The following CBFA2T3 variants were observed in gnomAD, a reference collection of about 807,000 sequenced individuals.
CBFA2T3 encodes the protein CBFA2/RUNX1 partner transcriptional co-repressor 3.
In CBFA2T3, 31 loss-of-function variants were observed where a neutral mutation model predicts 58.6. That is an observed-to-expected ratio of 0.53 (90% CI 0.40 to 0.71). CBFA2T3 has a LOEUF of 0.71. CBFA2T3 is among the 30% of genes least tolerant of loss of function. The probability of loss-of-function intolerance (pLI) is 0.00; values close to 1 mark genes in which losing one functional copy is unlikely to be tolerated. For missense variants in CBFA2T3, 1,076 were observed against 963.1 expected (o/e 1.12, Z -1.55); for synonymous variants, 531 against 421.9 (o/e 1.26, Z -3.17).
rs903721809 is a variant in CBFA2T3 at position 88,958,366 on chromosome 16, G to A, written c.151+18291C>T. On this transcript the variant is annotated intron_variant, in intron 1 of 11. Coordinates refer to ENST00000268679, the MANE Select transcript of CBFA2T3 (RefSeq NM_005187.6). The surrounding 1 kb of genome is among the most constrained non-coding windows in gnomAD (Gnocchi z 4.0). ...AAGTTGAGGTTGATGTGGTCACCTC[G>A]AATGGGGAACTCCTCCAGGAAGGAA... 6.6e-6 allele frequency among the ~76,000 whole-genome samples: 1 copy of A among 151,982 alleles called. No homozygotes were observed. Among genetic ancestry groups the A allele is most frequent in the Non-Finnish European group, 1.5e-5 (1 of 68,026 alleles).
At chr16:88,915,162 G>C (rs894208827) in intron 1 of CBFA2T3, among the ~76,000 whole-genome samples, 29 of 141,086 alleles carry the variant, frequency 2.1e-4, no homozygotes, top group Non-Finnish European at 6.1e-5. Context: ...TTCCGTTGAG[G>C]ATCCGTGTGC....
chr16:88,901,516 TGAA>T lies in CBFA2T3; in HGVS notation c.289_291del (p.Phe97del). The T allele has an allele frequency of 2.7e-6, 4 of 1,469,604 alleles. No homozygotes were observed. Among genetic ancestry groups the T allele is most frequent in the African/African-American group, 1.5e-5 (1 of 66,582 alleles). 91.0% of individuals were successfully genotyped at this position (1,469,604 alleles called of 1,614,324 possible). ...GGGGGCTACTTACGTGTGTGTGGCG[TGAA>T]GGAGGGGGGGCGTGTGGCCCCCTGG... On this transcript the variant is annotated inframe_deletion, in exon 2 of 12. Transcript: ENST00000268679.
At chr16:88,963,694 G>A (rs1296814487) in intron 1 of CBFA2T3, among the ~76,000 whole-genome samples, 1 of 152,238 alleles carries the variant, frequency 6.6e-6, no homozygotes, top group African/African-American at 2.4e-5. Context: ...GCGCTGCAGT[G>A]CGCATCAGGA....
At chr16:88,970,890 T>TG (rs1972638787) in intron 1 of CBFA2T3, among the ~76,000 whole-genome samples, 1 of 151,944 alleles carries the variant, frequency 6.6e-6, no homozygotes, top group Non-Finnish European at 1.5e-5. Context: ...GTTTTTCTCA[T>TG]GGGGTGACAG....
At chr16:88,913,189 G>A (rs1377946405) in intron 1 of CBFA2T3, among the ~76,000 whole-genome samples, 1 of 152,244 alleles carries the variant, frequency 6.6e-6, no homozygotes, top group African/African-American at 2.4e-5. Context: ...GTCAGCGGCG[G>A]GCAGCCCCAC....
In CBFA2T3 at chr16:88,897,978, G is replaced by A. The variant is rs1969951186; in HGVS notation, c.379+100C>T. On this transcript the variant is annotated intron_variant, in intron 3 of 11. Transcript: ENST00000268679. ...CAATGCTGAGGGTGCGGAGGCCGGG[G>A]AGGAGAGCTGAGCGCCCCCAGGGCA... The A allele has an allele frequency of 4.6e-6, 4 of 861,576 alleles. No homozygotes were observed. In the South Asian group the frequency reaches 5.3e-5, roughly 11 times the overall value. The allele number at this position is 861,576 out of a possible 1,614,324, so 53.4% of individuals were successfully genotyped here.
chr16:88,878,592 C>T (rs991335303), intron 11 of CBFA2T3, among the ~76,000 whole-genome samples: 50 of 152,326 alleles, frequency 3.3e-4, no homozygotes, highest in Admixed American at 3.1e-3. Flanking sequence ...CCGGGCGCCT[C>T]GGACGCCACC....
At position 88,916,345 on chromosome 16, in the gene CBFA2T3, GGT is replaced by G. The variant is rs572169552; in HGVS notation, c.152-14691_152-14690del. On this transcript the variant is annotated intron_variant, in intron 1 of 11. Coordinates refer to ENST00000268679, the MANE Select transcript of CBFA2T3 (RefSeq NM_005187.6). ...ATGCGTGTATTCATGTGTGTGCATG[GGT>G]GTGTGTCCGTGTATATGCACTTACA... Among the ~76,000 whole-genome samples, 199 of 150,770 alleles carry G rather than the reference GGT, an allele frequency of 1.3e-3. 3 individuals carry two copies. Among genetic ancestry groups the G allele is most frequent in the Middle Eastern group, 6.9e-3 (2 of 288 alleles).
At chr16:88,949,138 A>G (rs1971980000) in intron 1 of CBFA2T3, among the ~76,000 whole-genome samples, 1 of 152,272 alleles carries the variant, frequency 6.6e-6, no homozygotes, top group Non-Finnish European at 1.5e-5. Flanking sequence ...AGAGCAATTT[A>G]TATAATACCA....
In CBFA2T3 at chr16:88,875,870, G is replaced by A. The variant is rs1019466427; in HGVS notation, c.*1106C>T. 9 of 233,182 alleles carry A rather than the reference G, an allele frequency of 3.9e-5. No individual in the cohort carries two copies. Among genetic ancestry groups the A allele is most frequent in the East Asian group, 6.0e-5 (1 of 16,574 alleles). 14.4% of individuals were successfully genotyped at this position (233,182 alleles called of 1,614,324 possible). ...AGTCACAGGGGGCGTGAGGACAGAC[G>A]GCGTGTCCTTTCCTACACATATGGA... On this transcript the variant is annotated 3_prime_UTR_variant, in exon 12 of 12. Transcript: ENST00000268679.
chr16:88,926,366 G>A (rs555493422), intron 1 of CBFA2T3, among the ~76,000 whole-genome samples: 2 of 152,330 alleles, frequency 1.3e-5, no homozygotes, highest in Admixed American at 6.5e-5. Flanking sequence ...CAAGCGCTCC[G>A]AGGGACCTGG....
chr16:88,973,588 GACCCAGAACATTCCAA>G (rs1455475723), intron 1 of CBFA2T3, among the ~76,000 whole-genome samples: 2 of 152,014 alleles, frequency 1.3e-5, no homozygotes, highest in Non-Finnish European at 2.9e-5. Flanking sequence ...GAATATTCCG[GACCCAGAACATTCCAA>G]ACCCAGAACA....
At chr16:88,921,063 C>T (rs996311337) in intron 1 of CBFA2T3, among the ~76,000 whole-genome samples, 2 of 152,254 alleles carry the variant, frequency 1.3e-5, no homozygotes, top group African/African-American at 2.4e-5. Flanking sequence ...GCTCCGCCCC[C>T]ACCCTGGGCC....
In CBFA2T3 at chr16:88,976,789, T is replaced by G. The variant is rs770576331; in HGVS notation, c.19A>C (p.Arg7=). 1.3e-5 allele frequency: 20 copies of G among 1,554,986 alleles called. No individual in the cohort carries two copies. The African/African-American group carries it at 2.6e-4, about 20-fold the overall frequency. MPASRL[R]DRAASSASGS... ...GAGGCTGAACTGGCTGCCCTGTCCC[T>G]CAGTCTTGAAGCCGGCATGAGGAGG... is the stretch of plus-strand genomic sequence containing the variant. The change falls in exon 1 of 12, where the codon AGG becomes CGG. Residue 7 remains arginine (R), a synonymous_variant. Coordinates refer to ENST00000268679, the MANE Select transcript of CBFA2T3 (RefSeq NM_005187.6).
chr16:88,907,140 G>C (rs1167201096), intron 1 of CBFA2T3, among the ~76,000 whole-genome samples: 5 of 152,162 alleles, frequency 3.3e-5, no homozygotes. Flanking sequence ...CAGCTGCAAG[G>C]GGACCCCGGT....
intron 3 of CBFA2T3, among the ~76,000 whole-genome samples, chr16:88,895,732 C>T (rs1471440125): frequency 1.3e-5 from 2 of 152,162 alleles, no homozygotes; most frequent in African/African-American, 2.4e-5. Context: ...GCCAGGAGGG[C>T]GGGGGATGCT....
chr16:88,887,670 C>A lies in CBFA2T3; in HGVS notation c.712-1528G>T, dbSNP rs1464782982. 2.6e-5 allele frequency among the ~76,000 whole-genome samples: 4 copies of A among 152,180 alleles called. No individual in the cohort carries two copies. In the East Asian group the frequency reaches 7.7e-4, roughly 29 times the overall value. Reference sequence around the variant, plus strand: ...CGGAATGGGGTGGGGACTGTGGGAACCTCCGGCAGTGCCTCCTTCAAGGCA... The same window carrying A: ...CGGAATGGGGTGGGGACTGTGGGAAACTCCGGCAGTGCCTCCTTCAAGGCA... On this transcript the variant is annotated intron_variant, in intron 5 of 11. Transcript: ENST00000268679.
intron 5 of CBFA2T3, among the ~76,000 whole-genome samples, chr16:88,887,709 G>C (rs1386277137): frequency 2.0e-5 from 3 of 152,080 alleles, no homozygotes; most frequent in Non-Finnish European, 4.4e-5. Flanking sequence ...TCCCCACTCT[G>C]TCCCCAGGAG....
At chr16:88,940,552 C>A (rs1222098442) in intron 1 of CBFA2T3, among the ~76,000 whole-genome samples, 1 of 152,226 alleles carries the variant, frequency 6.6e-6, no homozygotes, top group Non-Finnish European at 1.5e-5. Context: ...GTCCAGGACC[C>A]CCAGCGCGGA....
Sources: allele counts gnomAD v4.1 joint callset (sites outside exome capture counted in the v4.1 genomes callset), GRCh38; gene constraint gnomAD v4.1.1; non-coding constraint Gnocchi (gnomAD v3.1); transcripts MANE v1.5; gene names NCBI Gene and HGNC (gene_info 2026-07-23, HGNC 2026-07-21).